The following IMPG1 variants were observed in gnomAD, a reference collection of about 807,000 sequenced individuals.
IMPG1 encodes the protein interphotoreceptor matrix proteoglycan 1.
A neutral mutation model predicts 92.0 loss-of-function variants in IMPG1; 85 were observed. The ratio of observed to expected loss-of-function variants is 0.92; its 90% CI spans 0.78 to 1.11. The LOEUF (loss-of-function observed/expected upper bound fraction) is 1.11. IMPG1 is among the 50% of genes least tolerant of loss of function. IMPG1 has a pLI of 0.00. For synonymous variants in IMPG1, 367 were observed against 334.1 expected, an observed-to-expected ratio of 1.10 and a Z score of -1.08; for missense variants, 1,022 against 956.0, an observed-to-expected ratio of 1.07 and a Z score of -0.91.
chr6:76,029,033 T>C (rs1783606460), intron 4 of IMPG1, among the ~76,000 whole-genome samples: 1 of 152,272 alleles, frequency 6.6e-6, no homozygotes, highest in Non-Finnish European at 1.5e-5. Context: ...AGGGTTTGAC[T>C]GAAAGTGTAT....
Position 75,950,698 on chromosome 6 carries a change from G to A in IMPG1, c.1688C>T (p.Ser563Phe). 6.2e-7 allele frequency: 1 copy of A among 1,613,958 alleles called. No individual in the cohort carries two copies. The highest frequency in any genetic ancestry group is 8.5e-7 in the Non-Finnish European group (1 of 1,179,886). ...TCGGCCCTTGGGGGCAATGGTCATAGAACTAGTGGTGATATACTGTAAAGC... is the reference window on the plus strand; with the variant it reads ...TCGGCCCTTGGGGGCAATGGTCATAAAACTAGTGGTGATATACTGTAAAGC... ...VSALQYITTS[S>F]MTIAPKGREL... The change falls in exon 13 of 17, where the codon TCT (serine) becomes TTT (phenylalanine). Residue 563 changes from serine to phenylalanine, a missense_variant. By Grantham distance (155) the Ser-to-Phe change is radical (BLOSUM62 -2). This residue lies in a region of IMPG1 where 332 missense variants were observed against 346.2 expected (regional missense o/e 0.96). Coordinates refer to ENST00000369950, the MANE Select transcript of IMPG1 (RefSeq NM_001563.4).
intron 12 of IMPG1, among the ~76,000 whole-genome samples, chr6:75,984,782 G>C (rs1169399414): frequency 6.6e-6 from 1 of 152,138 alleles, no homozygotes. Flanking sequence ...CCCTTGGCTA[G>C]GATTGAGTTC....
intron 1 of IMPG1, among the ~76,000 whole-genome samples, chr6:76,064,911 G>A (rs911699826): frequency 6.6e-6 from 1 of 152,042 alleles, no homozygotes; most frequent in African/African-American, 2.4e-5. Flanking sequence ...TGGCACCATA[G>A]GAGACAATGA....
In IMPG1 at chr6:75,989,599, T is replaced by C. The variant is rs6930353; in HGVS notation, c.1291+13319A>G. On this transcript the variant is annotated intron_variant, in intron 12 of 16. Coordinates refer to ENST00000369950, the MANE Select transcript of IMPG1 (RefSeq NM_001563.4). ...GGCTCACACCTGTAATCCCAGCCCT[T>C]TGGGAGACTGAGGTGGGCAGATCAC... is the stretch of plus-strand genomic sequence containing the variant. Among the ~76,000 whole-genome samples, 622 of 152,324 alleles carry C rather than the reference T, an allele frequency of 4.1e-3. 9 individuals are homozygous for C. Among genetic ancestry groups the C allele is most frequent in the African/African-American group, 0.015 (604 of 41,580 alleles).
At chr6:75,991,803 A>T (rs1782817659) in intron 12 of IMPG1, among the ~76,000 whole-genome samples, 1 of 152,108 alleles carries the variant, frequency 6.6e-6, no homozygotes, top group Non-Finnish European at 1.5e-5. Context: ...CACCAGACAG[A>T]TTGTTGAATT....
chr6:75,924,466 T>G (rs1382815101), intron 15 of IMPG1, among the ~76,000 whole-genome samples: 2 of 93,244 alleles, frequency 2.1e-5, no homozygotes, highest in East Asian at 4.8e-4. Context: ...TTATATAATA[T>G]AAATATAATT....
Position 76,042,041 on chromosome 6 carries a change from C to T in IMPG1, c.153G>A (p.Met51Ile). 6.2e-7 allele frequency: 1 copy of T among 1,612,522 alleles called. No individual in the cohort carries two copies. The highest frequency in any genetic ancestry group is 2.2e-5 in the East Asian group (1 of 44,842). The change falls in exon 2 of 17, where the codon ATG becomes ATA. Residue 51 changes from methionine (M) to isoleucine (I), a missense_variant. Transcript: ENST00000369950. ...TTCGTCTCATAGTTGACATTTTGTA[C>T]ATTTTTTCAGTACTTTCAGTTGTTT... ...RNETTESTEK[M>I]YKMSTMRRIF...
At chr6:76,030,903 G>C (rs1330843718) in intron 4 of IMPG1, among the ~76,000 whole-genome samples, 2 of 152,188 alleles carry the variant, frequency 1.3e-5, no homozygotes, top group African/African-American at 4.8e-5. Context: ...CACTGGGGTA[G>C]AGCCTCTGGA....
intron 15 of IMPG1, 122 bp from the exon 16 acceptor site, chr6:75,923,828 T>C (rs1157867026): frequency 1.7e-6 from 1 of 595,542 alleles, no homozygotes. Flanking sequence ...AGCATATTTT[T>C]GCAGGTGTCT....
chr6:75,990,829 AAGG>A (rs1445690357), intron 12 of IMPG1, among the ~76,000 whole-genome samples: 1 of 152,180 alleles, frequency 6.6e-6, no homozygotes, highest in Non-Finnish European at 1.5e-5. Flanking sequence ...GTAAAAACTG[AAGG>A]AGATTATTCA....
chr6:76,027,008 T>A (rs747515150), intron 4 of IMPG1, among the ~76,000 whole-genome samples: 16 of 152,208 alleles, frequency 1.1e-4, no homozygotes, highest in Non-Finnish European at 2.4e-4. Flanking sequence ...TCTGTGTGTG[T>A]ACTGTGTGTA....
rs556436945 is a variant in IMPG1, at chr6:75,927,648, A to T, written c.2243+3305T>A. Among the ~76,000 whole-genome samples the T allele has an allele frequency of 2.0e-5, 3 of 152,140 alleles. No individual in the cohort carries two copies. In the East Asian group the frequency reaches 5.8e-4, roughly 30 times the overall value. ...AACATTTAAAAAGGAATATTCAGGA[A>T]GTTGAAAAGGGCAAAATTGGGGTAA... On this transcript the variant is annotated intron_variant, in intron 15 of 16. Transcript: ENST00000369950.
chr6:76,008,862 G>T (rs1043159697), intron 8 of IMPG1, among the ~76,000 whole-genome samples: 1 of 152,128 alleles, frequency 6.6e-6, no homozygotes, highest in Non-Finnish European at 1.5e-5. Context: ...CCTACTGTGC[G>T]ATCCTTCCCC....
At chr6:75,997,396 A>G (rs368203663) in intron 12 of IMPG1, among the ~76,000 whole-genome samples, 1 of 152,146 alleles carries the variant, frequency 6.6e-6, no homozygotes. Flanking sequence ...AATTTAAATA[A>G]CATCTTTGCC....
At chr6:76,016,034 A>G (rs1278312261) in intron 7 of IMPG1, among the ~76,000 whole-genome samples, 2 of 152,166 alleles carry the variant, frequency 1.3e-5, no homozygotes, top group African/African-American at 2.4e-5. Context: ...TACCTCTTAC[A>G]AAAAGAGGAA....
intron 4 of IMPG1, among the ~76,000 whole-genome samples, chr6:76,028,591 A>G (rs1006396986): frequency 5.3e-5 from 8 of 152,330 alleles, no homozygotes; most frequent in East Asian, 3.9e-4. Flanking sequence ...GCACTTTGGG[A>G]GGCCGAGGCG....
intron 1 of IMPG1, among the ~76,000 whole-genome samples, chr6:76,055,425 A>T (rs904019238): frequency 1.3e-5 from 2 of 152,052 alleles, no homozygotes; most frequent in Admixed American, 1.3e-4. Flanking sequence ...TGGTAAAATG[A>T]TATCATCAAA....
intron 14 of IMPG1, among the ~76,000 whole-genome samples, chr6:75,943,204 C>T (rs2313755): frequency 0.57 from 86,521 of 151,852 alleles, 25,218 homozygotes; most frequent in Non-Finnish European, 0.65. Context: ...AGCCTCACCC[C>T]CCAATGGTAG....
intron 1 of IMPG1, among the ~76,000 whole-genome samples, chr6:76,045,342 T>C: frequency 6.6e-6 from 1 of 152,062 alleles, no homozygotes; most frequent in African/African-American, 2.4e-5. Context: ...CCTATTTCTG[T>C]CGTCTGGTGC....
Sources: gnomAD v4.1 joint callset for allele counts (sites outside exome capture counted in the v4.1 genomes callset) on GRCh38, gnomAD v4.1.1 for gene constraint, gnomAD v4.1.1 regional missense constraint, MANE v1.5 for transcripts, NCBI Gene and HGNC (gene_info 2026-07-23, HGNC 2026-07-21) for gene names.